FAM117B: variants seen among roughly 807,000 people sequenced by gnomAD.
The protein encoded by FAM117B is family with sequence similarity 117 member B.
FAM117B carries 22 observed loss-of-function variants against 52.8 expected under a neutral mutation model. The ratio of observed to expected loss-of-function variants is 0.42; its 90% CI spans 0.30 to 0.59. The LOEUF (loss-of-function observed/expected upper bound fraction) is 0.59. Ranked by LOEUF, FAM117B falls within the 20% of genes least tolerant of loss-of-function variation. The pLI is 0.22. For missense variants in FAM117B, 678 were observed against 802.6 expected, an observed-to-expected ratio of 0.84 and a Z score of 1.88; for synonymous variants, 309 against 324.1, an observed-to-expected ratio of 0.95 and a Z score of 0.50.
intron 5 of FAM117B, among the ~76,000 whole-genome samples, chr2:202,756,192 G>A (rs891275204): frequency 2.0e-5 from 3 of 152,134 alleles, no homozygotes; most frequent in Admixed American, 6.5e-5. Context: ...CAAGGTGGGC[G>A]GATCACCTGA....
At chr2:202,636,969 G>A (rs1290745469) in intron 1 of FAM117B, among the ~76,000 whole-genome samples, 1 of 152,090 alleles carries the variant, frequency 6.6e-6, no homozygotes, top group Non-Finnish European at 1.5e-5. Flanking sequence ...ACACGATCTC[G>A]GCTTACTGCA....
chr2:202,686,920 A>G (rs1383629884), intron 1 of FAM117B, among the ~76,000 whole-genome samples: 1 of 152,216 alleles, frequency 6.6e-6, no homozygotes, highest in Non-Finnish European at 1.5e-5. Flanking sequence ...ACAATAACAT[A>G]CACACAGATT....
At chr2:202,741,686 G>A (rs1035500587) in intron 4 of FAM117B, among the ~76,000 whole-genome samples, 8 of 151,790 alleles carry the variant, frequency 5.3e-5, no homozygotes, top group African/African-American at 1.2e-4. Flanking sequence ...ACAGGCGCCC[G>A]CCACCTCGCC....
intron 2 of FAM117B, among the ~76,000 whole-genome samples, chr2:202,722,373 A>G (rs1691170061): frequency 6.6e-6 from 1 of 152,190 alleles, no homozygotes; most frequent in Non-Finnish European, 1.5e-5. Context: ...ATTCTGAACC[A>G]CGCATACTAT....
intron 1 of FAM117B, among the ~76,000 whole-genome samples, chr2:202,690,265 G>A (rs1050118916): frequency 6.6e-6 from 1 of 152,200 alleles, no homozygotes; most frequent in African/African-American, 2.4e-5. Flanking sequence ...AAAAGCATGT[G>A]AATTTATTGC....
chr2:202,666,048 G>A (rs993770618), intron 1 of FAM117B, among the ~76,000 whole-genome samples: 1 of 152,106 alleles, frequency 6.6e-6, no homozygotes, highest in Non-Finnish European at 1.5e-5. Flanking sequence ...TATGTATTAT[G>A]GCAACATTTG....
At chr2:202,694,273 C>T (rs1690676421) in intron 1 of FAM117B, among the ~76,000 whole-genome samples, 2 of 149,452 alleles carry the variant, frequency 1.3e-5, no homozygotes, top group African/African-American at 2.5e-5. Flanking sequence ...TCACTGCAAC[C>T]TCCAACTCTA....
chr2:202,644,064 G>GGT (rs1689816687), intron 1 of FAM117B, among the ~76,000 whole-genome samples: 1 of 95,136 alleles, frequency 1.1e-5, no homozygotes, highest in African/African-American at 4.5e-5. Flanking sequence ...TTTTTTTTTT[G>GGT]TTTTTTTTTT....
At chr2:202,667,736 G>T (rs1261923352) in intron 1 of FAM117B, among the ~76,000 whole-genome samples, 1 of 151,878 alleles carries the variant, frequency 6.6e-6, no homozygotes, top group African/African-American at 2.4e-5. Context: ...TTCTACTCAA[G>T]TTGAAGTAGT....
intron 1 of FAM117B, among the ~76,000 whole-genome samples, chr2:202,645,240 G>T (rs1689841707): frequency 1.3e-5 from 2 of 150,774 alleles, no homozygotes; most frequent in Non-Finnish European, 3.0e-5. Flanking sequence ...GCCTCCCAAA[G>T]TGCTGGGATT....
chr2:202,759,102 C>A, intron 6 of FAM117B, 131 bp from the exon 7 acceptor site: 2 of 926,248 alleles, frequency 2.2e-6, no homozygotes, highest in Non-Finnish European at 1.6e-6. Flanking sequence ...ATTTAACAAA[C>A]ATTAATTATC....
At chr2:202,729,958 T>A (rs555977859) in intron 4 of FAM117B, among the ~76,000 whole-genome samples, 1 of 152,108 alleles carries the variant, frequency 6.6e-6, no homozygotes, top group Non-Finnish European at 1.5e-5. Context: ...GAGACAAGAT[T>A]AGAAGTAGGG....
Position 202,638,369 on chromosome 2 carries a change from A to C in FAM117B, c.601+2581A>C, listed in dbSNP as rs77062806. ...TAACAACTGTTTGACACTCAGAGAA[A>C]CACCCTGAGGAGAACTGGGTTGAAT... On this transcript the variant is annotated intron_variant, in intron 1 of 7. Transcript: ENST00000392238. 7.7e-3 allele frequency among the ~76,000 whole-genome samples: 1,177 copies of C among 152,240 alleles called. 10 individuals are homozygous for C. Among genetic ancestry groups the C allele is most frequent in the South Asian group, 0.035 (167 of 4,824 alleles).
At chr2:202,711,313 A>G (rs1241820007) in intron 2 of FAM117B, among the ~76,000 whole-genome samples, 3 of 152,134 alleles carry the variant, frequency 2.0e-5, no homozygotes, top group African/African-American at 7.2e-5. Flanking sequence ...ATGAACAGTG[A>G]TTGAGCACTT....
At chr2:202,742,830 C>T (rs750604090) in intron 4 of FAM117B, among the ~76,000 whole-genome samples, 1 of 152,200 alleles carries the variant, frequency 6.6e-6, no homozygotes, top group African/African-American at 2.4e-5. Flanking sequence ...CCAGTGCATG[C>T]ATGCACCCTC....
rs187509876 is a variant in FAM117B at position 202,668,259 on chromosome 2, A to G, written c.602-27622A>G. On this transcript the variant is annotated intron_variant, in intron 1 of 7. Transcript: ENST00000392238. ...AATATTTATATATTTAGATACATAT[A>G]TAAAGATATAAAAATATTTATATAT... 4.0e-3 allele frequency among the ~76,000 whole-genome samples: 581 copies of G among 146,280 alleles called. 2 individuals carry two copies. The highest frequency in any genetic ancestry group is 9.1e-3 in the African/African-American group (365 of 40,250).
intron 2 of FAM117B, among the ~76,000 whole-genome samples, chr2:202,710,577 T>C (rs527627145): frequency 1.3e-4 from 20 of 152,290 alleles, no homozygotes; most frequent in African/African-American, 4.8e-4. Flanking sequence ...TCCAGTGATA[T>C]TATTTTACTT....
intron 4 of FAM117B, among the ~76,000 whole-genome samples, chr2:202,745,438 A>G (rs945958610): frequency 6.6e-6 from 1 of 152,234 alleles, no homozygotes; most frequent in African/African-American, 2.4e-5. Flanking sequence ...GACATGTAAA[A>G]TTCACTGGTT....
At chr2:202,737,455 A>C (rs1338445457) in intron 4 of FAM117B, among the ~76,000 whole-genome samples, 2 of 152,144 alleles carry the variant, frequency 1.3e-5, no homozygotes, top group East Asian at 3.8e-4. Flanking sequence ...TCTTGTAAGC[A>C]CTGCTCTGTT....
Sources: allele counts gnomAD v4.1 joint callset (sites outside exome capture counted in the v4.1 genomes callset), GRCh38; gene constraint gnomAD v4.1.1; transcripts MANE v1.5; gene names NCBI Gene and HGNC (gene_info 2026-07-23, HGNC 2026-07-21).